RALYL: variants seen among roughly 807,000 people sequenced by gnomAD.
RALYL encodes RALY RNA binding protein like, also known as RNA-binding Raly-like protein.
RALYL carries 29 observed loss-of-function variants against 35.1 expected under a neutral mutation model. The observed-to-expected ratio is 0.83, with a 90% CI of 0.61 to 1.13. The LOEUF (loss-of-function observed/expected upper bound fraction) is 1.13. RALYL is among the 50% of genes most tolerant of loss of function. The pLI, the probability that RALYL is intolerant of heterozygous loss-of-function variation, is 0.00. For synonymous variants in RALYL, 120 were observed against 127.6 expected (o/e 0.94, Z 0.40); for missense variants, 359 against 360.4 (o/e 1.00, Z 0.03).
chr8:84,466,215 T>C (rs1407751140), intron 1 of RALYL, among the ~76,000 whole-genome samples: 3 of 139,300 alleles, frequency 2.2e-5, no homozygotes, highest in East Asian at 2.1e-4. Flanking sequence ...ATCCCTGTCT[T>C]GTGCCAGTTT....
intron 5 of RALYL, among the ~76,000 whole-genome samples, chr8:84,853,837 TC>T (rs201141285): frequency 0.023 from 3,441 of 151,846 alleles, 131 homozygotes; most frequent in African/African-American, 0.079. Context: ...ATTTGTGTTT[TC>T]TTTTTCTCTC....
At chr8:84,209,688 A>C (rs576365516) in intron 1 of RALYL, among the ~76,000 whole-genome samples, 1 of 152,280 alleles carries the variant, frequency 6.6e-6, no homozygotes, top group African/African-American at 2.4e-5. Context: ...TCTATGTGTT[A>C]GAAGTCCCTC....
Position 84,379,884 on chromosome 8 carries a change from G to A in RALYL, c.-23-149415G>A, listed in dbSNP as rs1319199838. Among the ~76,000 whole-genome samples the A allele has an allele frequency of 8.0e-5, 12 of 150,046 alleles. 1 individual carries two copies. Among genetic ancestry groups the A allele is most frequent in the Admixed American group, 8.0e-4 (12 of 15,060 alleles). The stretch of plus-strand genomic sequence containing the variant: ...CTCAAAAAAAAAAAAGAAAAAAACT[G>A]TACTCCTTTAAGATCTATAAAAATA... On this transcript the variant is annotated intron_variant, in intron 1 of 8. Transcript: ENST00000521268.
chr8:84,726,215 A>G (rs1272617978), intron 2 of RALYL, among the ~76,000 whole-genome samples: 2 of 147,458 alleles, frequency 1.4e-5, no homozygotes, highest in Admixed American at 6.8e-5. Flanking sequence ...AAAATTGTGT[A>G]TAATTTTATT....
chr8:84,767,273 G>A (rs531834673), intron 2 of RALYL, among the ~76,000 whole-genome samples: 1 of 152,042 alleles, frequency 6.6e-6, no homozygotes, highest in Non-Finnish European at 1.5e-5. Context: ...AGTTCCATAA[G>A]TTTATAGTTA....
intron 1 of RALYL, among the ~76,000 whole-genome samples, chr8:84,345,305 C>T (rs1907549): frequency 0.39 from 58,684 of 151,628 alleles, 11,899 homozygotes; most frequent in East Asian, 0.51. Context: ...GATAGATGCT[C>T]CCAGGGAGAT....
At chr8:84,690,206 G>A (rs1260736475) in intron 2 of RALYL, among the ~76,000 whole-genome samples, 2 of 152,058 alleles carry the variant, frequency 1.3e-5, no homozygotes, top group Non-Finnish European at 2.9e-5. Context: ...CTTAAAAAAT[G>A]GAGGAAATCT....
intron 2 of RALYL, among the ~76,000 whole-genome samples, chr8:84,565,567 G>A (rs902507608): frequency 1.5e-4 from 23 of 151,474 alleles, no homozygotes; most frequent in African/African-American, 5.3e-4. Context: ...CTTAATAATA[G>A]TCTATCCTAG....
At chr8:84,513,429 T>A (rs571409755) in intron 1 of RALYL, among the ~76,000 whole-genome samples, 1 of 152,196 alleles carries the variant, frequency 6.6e-6, no homozygotes, top group East Asian at 1.9e-4. Context: ...TTTTAATTTT[T>A]AAAAATATTA....
At chr8:84,543,943 C>G (rs2060187246) in intron 2 of RALYL, among the ~76,000 whole-genome samples, 1 of 151,988 alleles carries the variant, frequency 6.6e-6, no homozygotes, top group Non-Finnish European at 1.5e-5. Context: ...CTCAATGACA[C>G]TATTATGACT....
At chr8:84,721,592 T>A (rs1321334909) in intron 2 of RALYL, among the ~76,000 whole-genome samples, 1 of 152,192 alleles carries the variant, frequency 6.6e-6, no homozygotes, top group Non-Finnish European at 1.5e-5. Flanking sequence ...TCTTTATTCC[T>A]TAAATCAATT....
chr8:84,208,342 A>T (rs1818580136), intron 1 of RALYL, among the ~76,000 whole-genome samples: 1 of 152,138 alleles, frequency 6.6e-6, no homozygotes, highest in South Asian at 2.1e-4. Flanking sequence ...AGTATATCGG[A>T]TGTACTGGCA....
At chr8:84,512,268 A>G (rs917528525) in intron 1 of RALYL, among the ~76,000 whole-genome samples, 2 of 151,766 alleles carry the variant, frequency 1.3e-5, no homozygotes, top group Non-Finnish European at 2.9e-5. Context: ...GTAAGATTAT[A>G]TCTCATTATG....
chr8:84,279,774 T>G (rs751252708), intron 1 of RALYL, among the ~76,000 whole-genome samples: 9 of 152,180 alleles, frequency 5.9e-5, no homozygotes, highest in Non-Finnish European at 1.3e-4. Context: ...TTACCACTGA[T>G]TTTTACCTTC....
intron 2 of RALYL, among the ~76,000 whole-genome samples, chr8:84,690,732 C>A (rs1432325324): frequency 2.0e-5 from 3 of 151,918 alleles, no homozygotes; most frequent in Non-Finnish European, 4.4e-5. Flanking sequence ...AACTGTTTCT[C>A]ACATGCATAT....
chr8:84,638,799 C>G (rs892416692), intron 2 of RALYL, among the ~76,000 whole-genome samples: 1 of 132,310 alleles, frequency 7.6e-6, no homozygotes, highest in Non-Finnish European at 1.6e-5. Flanking sequence ...AAGAAGTTAA[C>G]TAAACTATGT....
At chr8:84,394,578 T>C (rs1861386851) in intron 1 of RALYL, among the ~76,000 whole-genome samples, 1 of 152,034 alleles carries the variant, frequency 6.6e-6, no homozygotes, top group Admixed American at 6.6e-5. Context: ...ATCTCTATTA[T>C]TGCTTAGGCA....
chr8:84,529,326 C>T lies in RALYL; in HGVS notation c.5C>T (p.Thr2Ile). Reference protein sequence around the residue: MTGKTQTSNVTN... With the variant: MIGKTQTSNVTN... ...TTAAAGCAAGGAGAGCCAATCATGACTGGCAAAACACAGACCAGCAACGTC... is the reference window on the plus strand; with the variant it reads ...TTAAAGCAAGGAGAGCCAATCATGATTGGCAAAACACAGACCAGCAACGTC... Residue 2 changes from threonine (T) to isoleucine (I), a missense_variant, in exon 2 of 9, where the codon ACT (threonine) becomes ATT (isoleucine). By Grantham distance (89) the Thr-to-Ile change is moderately conservative. Coordinates refer to ENST00000521268, the MANE Select transcript of RALYL (RefSeq NM_173848.7). 1 of 1,570,588 alleles carries T rather than the reference C, an allele frequency of 6.4e-7. No individual in the cohort carries two copies. Among genetic ancestry groups the T allele is most frequent in the Non-Finnish European group, 8.7e-7 (1 of 1,155,808 alleles).
chr8:84,205,833 A>G (rs1044727820), intron 1 of RALYL, among the ~76,000 whole-genome samples: 1 of 152,208 alleles, frequency 6.6e-6, no homozygotes, highest in African/African-American at 2.4e-5. Flanking sequence ...TGGTTTAAAC[A>G]GCAGAACCTT....
Sources: gnomAD v4.1 joint callset for allele counts (sites outside exome capture counted in the v4.1 genomes callset) on GRCh38, gnomAD v4.1.1 for gene constraint, MANE v1.5 for transcripts, NCBI Gene and HGNC (gene_info 2026-07-23, HGNC 2026-07-21) for gene names.